The following BORCS5 variants were observed in gnomAD, a reference collection of about 807,000 sequenced individuals.
The protein encoded by BORCS5 is BLOC-1 related complex subunit 5, also known as BLOC-1-related complex subunit 5.
Under a neutral mutation model 22.1 loss-of-function variants are expected in BORCS5, and 17 were observed. That is an observed-to-expected ratio of 0.77 (90% CI 0.53 to 1.15). The LOEUF (loss-of-function observed/expected upper bound fraction) is 1.15, where lower values mean the gene tolerates loss of function less well. Among genes scored for constraint, BORCS5 ranks in the 50% most tolerant of loss-of-function variants. The pLI is 0.00. For synonymous variants in BORCS5, 117 were observed against 99.8 expected, an observed-to-expected ratio of 1.17 and a Z score of -1.03; for missense variants, 247 against 253.2, an observed-to-expected ratio of 0.98 and a Z score of 0.17.
Position 12,469,681 on chromosome 12 carries a change from C to T in BORCS5, c.*3905C>T, listed in dbSNP as rs1943259036. The T allele has an allele frequency of 6.6e-6, 1 of 152,204 alleles. No homozygotes were observed. The highest frequency in any genetic ancestry group is 6.5e-5 in the Admixed American group (1 of 15,290). The allele number at this position is 152,204 out of a possible 1,614,324, so 9.4% of individuals were successfully genotyped here. On this transcript the variant is annotated 3_prime_UTR_variant, in exon 4 of 4. Coordinates refer to ENST00000314565, the MANE Select transcript of BORCS5 (RefSeq NM_058169.6). ...ACGTGACCAGACATGTATTAAAATT[C>T]TAGTGCAATTGGGAAACTTGGTCTT...
At chr12:12,360,954 C>T (rs1235644988) in intron 1 of BORCS5, among the ~76,000 whole-genome samples, 1 of 152,162 alleles carries the variant, frequency 6.6e-6, no homozygotes, top group Non-Finnish European at 1.5e-5. Flanking sequence ...CTGCTGACCT[C>T]AGGTGATCTG....
chr12:12,404,885 C>T (rs965216057), intron 2 of BORCS5, among the ~76,000 whole-genome samples: 17 of 152,010 alleles, frequency 1.1e-4, no homozygotes, highest in African/African-American at 3.6e-4. Context: ...ATTTTTATTA[C>T]AGATGGGCTT....
chr12:12,438,379 A>AAAAACAAAAC (rs1491307081), intron 3 of BORCS5, among the ~76,000 whole-genome samples: 1 of 121,500 alleles, frequency 8.2e-6, no homozygotes, highest in Non-Finnish European at 1.6e-5. Flanking sequence ...AAAAAAAAAA[A>AAAAACAAAAC]ACGAAAAACA....
chr12:12,460,626 A>G (rs1943085092), intron 3 of BORCS5, among the ~76,000 whole-genome samples: 1 of 152,236 alleles, frequency 6.6e-6, no homozygotes, highest in Admixed American at 6.5e-5. Context: ...AGTTTTTCAT[A>G]GATGCACTTT....
intron 3 of BORCS5, among the ~76,000 whole-genome samples, chr12:12,459,391 A>C (rs1355480179): frequency 3.3e-5 from 5 of 151,212 alleles, no homozygotes; most frequent in Non-Finnish European, 7.4e-5. Flanking sequence ...GCTCACTGCA[A>C]CCTCTACCTT....
At chr12:12,439,361 C>T (rs1942632257) in intron 3 of BORCS5, among the ~76,000 whole-genome samples, 1 of 152,166 alleles carries the variant, frequency 6.6e-6, no homozygotes, top group South Asian at 2.1e-4. Context: ...GGCGACATGG[C>T]TCATGCCTGT....
chr12:12,377,296 G>T (rs973130213), intron 2 of BORCS5, among the ~76,000 whole-genome samples: 3 of 151,038 alleles, frequency 2.0e-5, no homozygotes, highest in Admixed American at 2.0e-4. Flanking sequence ...CTTCTGCCTC[G>T]GCCTCCCGAG....
chr12:12,377,882 T>TA (rs1863690240), intron 2 of BORCS5, among the ~76,000 whole-genome samples: 1 of 152,170 alleles, frequency 6.6e-6, no homozygotes, highest in Admixed American at 6.5e-5. Flanking sequence ...TTTAGAAAGA[T>TA]AAAAACTCAA....
chr12:12,469,970 T>C lies in BORCS5; in HGVS notation c.*4194T>C, dbSNP rs1943264700. Among the ~76,000 whole-genome samples the C allele has an allele frequency of 6.6e-6, 1 of 152,158 alleles. No individual in the cohort carries two copies. Among genetic ancestry groups the C allele is most frequent in the Non-Finnish European group, 1.5e-5 (1 of 68,038 alleles). On this transcript the variant is annotated 3_prime_UTR_variant, in exon 4 of 4. Coordinates refer to ENST00000314565, the MANE Select transcript of BORCS5 (RefSeq NM_058169.6). ...ACTAACTTACCATAAATCAGGGGTC[T>C]CCAAACCCCAGGCCACAGACTGGTA... is the stretch of plus-strand genomic sequence containing the variant.
chr12:12,393,116 G>C (rs1941238127), intron 2 of BORCS5, among the ~76,000 whole-genome samples: 1 of 152,008 alleles, frequency 6.6e-6, no homozygotes. Flanking sequence ...CATGCCTGTA[G>C]TCCCAGCTAC....
intron 3 of BORCS5, among the ~76,000 whole-genome samples, chr12:12,442,483 A>G (rs1942704961): frequency 6.6e-6 from 1 of 152,200 alleles, no homozygotes; most frequent in Non-Finnish European, 1.5e-5. Context: ...TGATAAGCAT[A>G]GTGTATTGAC....
chr12:12,459,844 CA>C (rs745661791), intron 3 of BORCS5, among the ~76,000 whole-genome samples: 2 of 152,158 alleles, frequency 1.3e-5, no homozygotes, highest in African/African-American at 2.4e-5. Flanking sequence ...ATAAAAAAAT[CA>C]ATTAACAATA....
At chr12:12,368,349 T>A (rs1362647618) in intron 2 of BORCS5, among the ~76,000 whole-genome samples, 1 of 152,028 alleles carries the variant, frequency 6.6e-6, no homozygotes, top group African/African-American at 2.4e-5. Flanking sequence ...TAGTGCTCTT[T>A]TGGAAAAACA....
At chr12:12,379,162 C>T (rs1863722048) in intron 2 of BORCS5, among the ~76,000 whole-genome samples, 1 of 148,792 alleles carries the variant, frequency 6.7e-6, no homozygotes, top group Admixed American at 6.7e-5. Context: ...CTTTGTTGCC[C>T]AGGCTTGGAG....
At chr12:12,377,370 G>T (rs1000011795) in intron 2 of BORCS5, among the ~76,000 whole-genome samples, 1 of 151,908 alleles carries the variant, frequency 6.6e-6, no homozygotes, top group African/African-American at 2.4e-5. Flanking sequence ...AGTAGAGATG[G>T]TTTTCACCAT....
Position 12,403,859 on chromosome 12 carries a change from C to T in BORCS5, c.203-31769C>T, listed in dbSNP as rs142226650. Among the ~76,000 whole-genome samples, 1,285 of 152,218 alleles carry T rather than the reference C, an allele frequency of 8.4e-3. 17 individuals are homozygous for T. The highest frequency in any genetic ancestry group is 0.029 in the African/African-American group (1,191 of 41,536). ...ATTTAATTACCCTAGATCAATCAAG[C>T]TTTGACTTACTGATGGCAGGATATA... On this transcript the variant is annotated intron_variant, in intron 2 of 3. Coordinates refer to ENST00000314565, the MANE Select transcript of BORCS5 (RefSeq NM_058169.6).
At chr12:12,416,948 CT>C (rs1307791399) in intron 2 of BORCS5, among the ~76,000 whole-genome samples, 7 of 150,546 alleles carry the variant, frequency 4.6e-5, no homozygotes, top group Non-Finnish European at 7.4e-5. Flanking sequence ...TGCCTGGCTA[CT>C]TTTTGTATTT....
intron 1 of BORCS5, among the ~76,000 whole-genome samples, chr12:12,358,996 C>T (rs985048613): frequency 6.6e-6 from 1 of 152,164 alleles, no homozygotes; most frequent in Admixed American, 6.5e-5. Flanking sequence ...TGAGATATGA[C>T]TATAATGAGC....
chr12:12,414,840 G>T (rs1275363646), intron 2 of BORCS5, among the ~76,000 whole-genome samples: 3 of 149,330 alleles, frequency 2.0e-5, no homozygotes, highest in Admixed American at 6.6e-5. Context: ...AGACGGGGCG[G>T]CCGGGCAGAG....
Sources: allele counts gnomAD v4.1 joint callset (sites outside exome capture counted in the v4.1 genomes callset), GRCh38; gene constraint gnomAD v4.1.1; transcripts MANE v1.5; gene names NCBI Gene and HGNC (gene_info 2026-07-23, HGNC 2026-07-21).